Variants in TRAPPC9 observed in about 807,000 individuals in gnomAD.
The protein encoded by TRAPPC9 is IKK2 binding protein.
TRAPPC9 carries 83 observed loss-of-function variants against 124.0 expected under a neutral mutation model. That is an observed-to-expected ratio of 0.67 (90% CI 0.56 to 0.80). The LOEUF (loss-of-function observed/expected upper bound fraction) is 0.80. TRAPPC9 is among the 30% of genes least tolerant of loss of function. The pLI is 0.00. For missense variants in TRAPPC9, 1,302 were observed against 1,508.3 expected, an observed-to-expected ratio of 0.86 and a Z score of 2.27; for synonymous variants, 638 against 617.5, an observed-to-expected ratio of 1.03 and a Z score of -0.49.
At chr8:140,010,250 CAT>C (rs1028233622) in intron 18 of TRAPPC9, among the ~76,000 whole-genome samples, 10 of 151,996 alleles carry the variant, frequency 6.6e-5, no homozygotes, top group African/African-American at 2.2e-4. Context: ...CTACAAAAAA[CAT>C]ATGAAAGATG....
chr8:140,082,126 C>T lies in TRAPPC9; in HGVS notation c.2557-58047G>A, dbSNP rs543653316. 3.3e-5 allele frequency: 5 copies of T among 152,308 alleles called. No individual in the cohort carries two copies. In the South Asian group the frequency reaches 8.3e-4, roughly 25 times the overall value. 9.4% of individuals were successfully genotyped at this position (152,308 alleles called of 1,614,324 possible). A position where few individuals can be genotyped will look rare whatever the true frequency, so the allele number is the denominator to read the frequency against. The stretch of plus-strand genomic sequence containing the variant: ...GCAGCAGCTTTAAAATGTTTTGACC[C>T]ATTTCTTCCTTATCTGAAATGTGAG... On this transcript the variant is annotated intron_variant, in intron 17 of 22. Coordinates refer to ENST00000438773, the MANE Select transcript of TRAPPC9 (RefSeq NM_001160372.4).
At chr8:140,294,682 A>T (rs2065756550) in intron 11 of TRAPPC9, among the ~76,000 whole-genome samples, 2 of 148,956 alleles carry the variant, frequency 1.3e-5, no homozygotes, top group African/African-American at 5.0e-5. Flanking sequence ...ATCTCGGCTC[A>T]CTGCAACTTC....
At chr8:139,846,414 C>G (rs1351346344) in intron 21 of TRAPPC9, among the ~76,000 whole-genome samples, 1 of 152,208 alleles carries the variant, frequency 6.6e-6, no homozygotes, top group Non-Finnish European at 1.5e-5. Flanking sequence ...CAGTTGGCAC[C>G]AGCCTGTGAA....
intron 21 of TRAPPC9, among the ~76,000 whole-genome samples, chr8:139,804,186 C>T (rs1392009995): frequency 1.6e-4 from 23 of 143,162 alleles, no homozygotes; most frequent in South Asian, 1.2e-3. Flanking sequence ...CACCCACCAC[C>T]GCCACCAAGC....
chr8:139,746,216 C>T (rs1586749706), intron 21 of TRAPPC9, among the ~76,000 whole-genome samples: 1 of 152,232 alleles, frequency 6.6e-6, no homozygotes, highest in Non-Finnish European at 1.5e-5. Context: ...TCATGGAATA[C>T]TCGACCTCGA....
intron 21 of TRAPPC9, among the ~76,000 whole-genome samples, chr8:139,794,430 G>A (rs759956584): frequency 6.6e-6 from 1 of 152,222 alleles, no homozygotes. Flanking sequence ...AGAAAAAGGG[G>A]ACTCCAAGGC....
rs1349752010 is a variant in TRAPPC9 at position 140,371,043 on chromosome 8, C to A, written c.1272G>T (p.Gly424=). Residue 424 remains glycine, a synonymous_variant, in exon 8 of 23, where the codon GGG becomes GGT. Coordinates refer to ENST00000438773, the MANE Select transcript of TRAPPC9 (RefSeq NM_001160372.4). ...GGAGGAGTTTGTAGCAGGCCCTCCA[C>A]CCAGGCTCCGCGATGCTTGGGGCCA... ...QCVAPSIAEP[G]WRACYKLLLE... is the part of the protein sequence containing the mutation. 2 of 1,614,266 alleles carry A rather than the reference C, an allele frequency of 1.2e-6. No individual in the cohort carries two copies. Among genetic ancestry groups the A allele is most frequent in the Admixed American group, 1.7e-5 (1 of 60,028 alleles).
intron 21 of TRAPPC9, among the ~76,000 whole-genome samples, chr8:139,837,256 G>C (rs1202080811): frequency 6.6e-6 from 1 of 152,092 alleles, no homozygotes; most frequent in African/African-American, 2.4e-5. Flanking sequence ...TGGGGGACGT[G>C]CTTCACTCTG....
At chr8:140,030,290 T>C (rs1259652562) in intron 17 of TRAPPC9, among the ~76,000 whole-genome samples, 2 of 152,302 alleles carry the variant, frequency 1.3e-5, no homozygotes, top group Admixed American at 6.5e-5. Flanking sequence ...GTTCAATAAG[T>C]CCAGAAACAA....
At chr8:140,264,709 C>A (rs72688874) in intron 15 of TRAPPC9, among the ~76,000 whole-genome samples, 17,693 of 151,678 alleles carry the variant, frequency 0.12, 1,172 homozygotes, top group Admixed American at 0.18. Context: ...CGGGGCATGC[C>A]TTTGCTTATT....
chr8:140,197,441 C>T (rs1490725980), intron 17 of TRAPPC9, among the ~76,000 whole-genome samples: 3 of 152,046 alleles, frequency 2.0e-5, no homozygotes, highest in African/African-American at 4.8e-5. Context: ...AGCACGGTGA[C>T]TTTCCTAAGG....
chr8:139,919,903 G>A (rs1832404074), intron 19 of TRAPPC9, among the ~76,000 whole-genome samples: 1 of 152,216 alleles, frequency 6.6e-6, no homozygotes, highest in African/African-American at 2.4e-5. Flanking sequence ...GGCGCGGCAT[G>A]GCACTGCCCG....
At chr8:140,018,767 T>A (rs572068837) in intron 18 of TRAPPC9, among the ~76,000 whole-genome samples, 1 of 152,354 alleles carries the variant, frequency 6.6e-6, no homozygotes, top group East Asian at 1.9e-4. Flanking sequence ...GAAAGACATG[T>A]GAATAATAAT....
At chr8:140,232,879 T>C (rs985913251) in intron 16 of TRAPPC9, among the ~76,000 whole-genome samples, 5 of 152,222 alleles carry the variant, frequency 3.3e-5, no homozygotes, top group Non-Finnish European at 5.9e-5. Context: ...GCCTATTTCA[T>C]AGGATAATAA....
intron 9 of TRAPPC9, among the ~76,000 whole-genome samples, chr8:140,346,375 T>C (rs1035770001): frequency 6.6e-6 from 1 of 152,184 alleles, no homozygotes; most frequent in Admixed American, 6.5e-5. Context: ...AGAAAGGATG[T>C]AAAGGGAGCG....
At chr8:139,745,776 C>T (rs55696083) in intron 21 of TRAPPC9, among the ~76,000 whole-genome samples, 4,041 of 152,316 alleles carry the variant, frequency 0.027, 192 homozygotes, top group African/African-American at 0.093. Context: ...GGACTGGGCT[C>T]GCCGCCTTGC....
At chr8:140,167,780 A>G (rs758923347) in intron 17 of TRAPPC9, among the ~76,000 whole-genome samples, 8 of 152,178 alleles carry the variant, frequency 5.3e-5, no homozygotes, top group Non-Finnish European at 1.2e-4. Flanking sequence ...GGCCACACGA[A>G]AGCTGACCCA....
chr8:139,764,249 G>A (rs1820428580), intron 21 of TRAPPC9, among the ~76,000 whole-genome samples: 1 of 152,162 alleles, frequency 6.6e-6, no homozygotes, highest in Non-Finnish European at 1.5e-5. Context: ...ATGAGCAGAG[G>A]TGGCACCTTG....
chr8:140,195,713 C>T (rs865803051), intron 17 of TRAPPC9, among the ~76,000 whole-genome samples: 3 of 151,762 alleles, frequency 2.0e-5, no homozygotes, highest in Non-Finnish European at 4.4e-5. Context: ...ATCCACTGTA[C>T]AGATCACACC....
Sources: gnomAD v4.1 joint callset for allele counts (sites outside exome capture counted in the v4.1 genomes callset) on GRCh38, gnomAD v4.1.1 for gene constraint, MANE v1.5 for transcripts, NCBI Gene and HGNC (gene_info 2026-07-23, HGNC 2026-07-21) for gene names.